Variants in DYNC1I1 observed in about 807,000 individuals in gnomAD.
DYNC1I1 encodes the protein dynein cytoplasmic 1 intermediate chain 1.
Under a neutral mutation model 86.6 loss-of-function variants are expected in DYNC1I1, and 43 were observed. The observed-to-expected ratio is 0.50, with a 90% CI of 0.39 to 0.64. The LOEUF (loss-of-function observed/expected upper bound fraction) is 0.64. Ranked by LOEUF, DYNC1I1 falls within the 30% of genes least tolerant of loss-of-function variation. The probability of loss-of-function intolerance (pLI) is 0.00; values close to 1 mark genes in which losing one functional copy is unlikely to be tolerated. For missense variants in DYNC1I1, 604 were observed against 788.8 expected (o/e 0.77, Z 2.81); for synonymous variants, 262 against 283.7 (o/e 0.92, Z 0.77).
intron 6 of DYNC1I1, among the ~76,000 whole-genome samples, chr7:95,915,066 A>G (rs1791433474): frequency 6.6e-6 from 1 of 152,208 alleles, no homozygotes. Flanking sequence ...ATCTTAAATG[A>G]CATAGTGAAT....
In DYNC1I1 at chr7:95,995,994, C is replaced by T. The variant is rs1434645342; in HGVS notation, c.890C>T (p.Pro297Leu). 6.2e-7 allele frequency: 1 copy of T among 1,612,022 alleles called. No individual in the cohort carries two copies. The highest frequency in any genetic ancestry group is 1.7e-5 in the Admixed American group (1 of 59,568). The change falls in exon 10 of 17, where the codon CCC becomes CTC. Residue 297 changes from proline to leucine, a missense_variant. Physicochemically the swap from Pro to Leu is moderately conservative, Grantham distance 98. Transcript: ENST00000447467. Reference protein sequence around the residue: ...VASYNNNEDAPHEPDGVALVW... With the variant: ...VASYNNNEDALHEPDGVALVW... ...TCTTACAACAACAATGAAGATGCTC[C>T]CCATGAACCAGATGGAGTGGCCTTG...
At chr7:96,022,524 G>A (rs999823000) in intron 10 of DYNC1I1, among the ~76,000 whole-genome samples, 13 of 152,038 alleles carry the variant, frequency 8.6e-5, no homozygotes, top group African/African-American at 3.1e-4. Context: ...AGAATAGCCT[G>A]TGCACCCCAG....
intron 5 of DYNC1I1, among the ~76,000 whole-genome samples, chr7:95,859,870 A>G (rs1488507): frequency 0.73 from 110,595 of 152,106 alleles, 41,739 homozygotes; most frequent in Non-Finnish European, 0.84. Flanking sequence ...GCCTGGTGTT[A>G]GGATCCAAGG....
At chr7:95,837,223 T>G (rs1212127380) in intron 5 of DYNC1I1, among the ~76,000 whole-genome samples, 2 of 151,714 alleles carry the variant, frequency 1.3e-5, no homozygotes, top group African/African-American at 2.4e-5. Context: ...TGGAGTACCC[T>G]GCCATGTGAG....
In DYNC1I1 at chr7:96,010,619, G is replaced by C. The variant is rs563896060; in HGVS notation, c.969+14546G>C. On this transcript the variant is annotated intron_variant, in intron 10 of 16. Transcript: ENST00000447467. The stretch of plus-strand genomic sequence containing the variant: ...ATAGAAGCCTCTGAAGGGCTTTTTG[G>C]GGGTGGAGAGAAAGCCCAGCTAGAG... 2.0e-5 allele frequency among the ~76,000 whole-genome samples: 3 copies of C among 152,146 alleles called. No individual in the cohort carries two copies. In the South Asian group the frequency reaches 6.2e-4, roughly 32 times the overall value.
chr7:96,097,593 G>C lies in DYNC1I1; in HGVS notation c.1887G>C (p.Ter629TyrextTer3). Residue 629 changes from the stop codon to tyrosine (Y), a stop_lost, in exon 17 of 17, where the codon TAG (stop) becomes TAC (tyrosine). Transcript: ENST00000447467. ...EEEGTVELSA* is the reference protein window; with the variant it reads ...EEEGTVELSAY Reference sequence around the variant, plus strand: ...AAGGCACTGTTGAGTTATCTGCCTAGTGGAAATGAGCCACCCCCACTGCAG... The same window carrying C: ...AAGGCACTGTTGAGTTATCTGCCTACTGGAAATGAGCCACCCCCACTGCAG... The C allele has an allele frequency of 6.2e-7, 1 of 1,613,582 alleles. No individual in the cohort carries two copies. The highest frequency in any genetic ancestry group is 8.5e-7 in the Non-Finnish European group (1 of 1,179,670).
intron 5 of DYNC1I1, among the ~76,000 whole-genome samples, chr7:95,858,203 T>C (rs1711644257): frequency 6.6e-6 from 1 of 152,226 alleles, no homozygotes; most frequent in African/African-American, 2.4e-5. Context: ...TCCACCTTTG[T>C]AGTCCTTAAT....
intron 6 of DYNC1I1, among the ~76,000 whole-genome samples, chr7:95,883,964 T>C (rs1290375733): frequency 1.3e-5 from 2 of 152,186 alleles, no homozygotes; most frequent in African/African-American, 2.4e-5. Flanking sequence ...TTTTTGAATA[T>C]TTTAAAAGAA....
chr7:95,971,987 G>A (rs1032305951), intron 6 of DYNC1I1, among the ~76,000 whole-genome samples: 4 of 152,094 alleles, frequency 2.6e-5, no homozygotes, highest in South Asian at 2.1e-4. Flanking sequence ...GAGCATCAAG[G>A]GCTCTGGCAG....
At chr7:95,779,335 A>C (rs964207383) in intron 1 of DYNC1I1, among the ~76,000 whole-genome samples, 1 of 152,212 alleles carries the variant, frequency 6.6e-6, no homozygotes, top group Non-Finnish European at 1.5e-5. Flanking sequence ...AAGAGATCAG[A>C]TATCCCACTT....
chr7:95,837,553 GCCCC>G (rs1562915461), intron 5 of DYNC1I1: 458 of 154,290 alleles, frequency 3.0e-3, no homozygotes, highest in Non-Finnish European at 4.9e-3. Context: ...AATGGCGGGC[GCCCC>G]TCCCCCAGCC....
chr7:95,909,242 G>GT (rs1491217681), intron 6 of DYNC1I1, among the ~76,000 whole-genome samples: 21 of 39,662 alleles, frequency 5.3e-4, no homozygotes, highest in African/African-American at 1.6e-3. Context: ...TGGGAGGGGG[G>GT]TGGGGGGGGG....
intron 6 of DYNC1I1, among the ~76,000 whole-genome samples, chr7:95,971,763 T>C (rs949543564): frequency 6.6e-6 from 1 of 152,226 alleles, no homozygotes; most frequent in Non-Finnish European, 1.5e-5. Context: ...TTGTGCATCT[T>C]GCAGTCATTG....
intron 16 of DYNC1I1, among the ~76,000 whole-genome samples, chr7:96,085,939 TC>T (rs1180490652): frequency 9.2e-5 from 14 of 151,386 alleles, no homozygotes; most frequent in Admixed American, 2.6e-4. Context: ...GGATTTTTTT[TC>T]AAATGATGTA....
At chr7:95,989,120 TCAGA>T (rs1793667613) in intron 9 of DYNC1I1, among the ~76,000 whole-genome samples, 1 of 152,140 alleles carries the variant, frequency 6.6e-6, no homozygotes, top group Non-Finnish European at 1.5e-5. Context: ...CTGTCTCTGG[TCAGA>T]CAGAGCTTCT....
chr7:96,051,803 T>C (rs1003105965), intron 14 of DYNC1I1, among the ~76,000 whole-genome samples: 3 of 152,214 alleles, frequency 2.0e-5, no homozygotes, highest in African/African-American at 4.8e-5. Context: ...TGTTAGCTAC[T>C]AGAAAAGAAT....
intron 6 of DYNC1I1, among the ~76,000 whole-genome samples, chr7:95,887,758 G>A (rs1790632839): frequency 6.6e-6 from 1 of 152,158 alleles, no homozygotes. Flanking sequence ...TGGGCCCAAA[G>A]TCCATCCCCT....
chr7:95,958,702 G>A (rs181150374), intron 6 of DYNC1I1, among the ~76,000 whole-genome samples: 55 of 152,294 alleles, frequency 3.6e-4, no homozygotes, highest in African/African-American at 1.3e-3. Flanking sequence ...AATTTTCTAA[G>A]CTAATTGACA....
chr7:96,022,001 CA>C (rs1794562954), intron 10 of DYNC1I1, among the ~76,000 whole-genome samples: 2 of 151,988 alleles, frequency 1.3e-5, no homozygotes, highest in African/African-American at 4.8e-5. Context: ...CATATTTTTT[CA>C]ATTATCTTGG....
Sources: gnomAD v4.1 joint callset for allele counts (sites outside exome capture counted in the v4.1 genomes callset) on GRCh38, gnomAD v4.1.1 for gene constraint, MANE v1.5 for transcripts, NCBI Gene and HGNC (gene_info 2026-07-23, HGNC 2026-07-21) for gene names.